The following ARL10 variants were observed in gnomAD, a reference collection of about 807,000 sequenced individuals.
ARL10 encodes the protein ADP-ribosylation factor-like protein 10.
ARL10 carries 23 observed loss-of-function variants against 26.1 expected under a neutral mutation model. That is an observed-to-expected ratio of 0.88 (90% CI 0.63 to 1.25). The LOEUF (loss-of-function observed/expected upper bound fraction) is 1.25. Among genes scored for constraint, ARL10 ranks in the 50% most tolerant of loss-of-function variants. The pLI, the probability that ARL10 is intolerant of heterozygous loss-of-function variation, is 0.00. For synonymous variants in ARL10, 138 were observed against 149.1 expected, an observed-to-expected ratio of 0.93 and a Z score of 0.54; for missense variants, 300 against 323.6, an observed-to-expected ratio of 0.93 and a Z score of 0.56.
At chr5:176,401,680 C>T (rs971090616) in intron 1 of ARL10, 34 of 454,672 alleles carry the variant, frequency 7.5e-5, no homozygotes, top group South Asian at 3.3e-4. Context: ...CTCACTCGCT[C>T]GCCTTGTGTT....
chr5:176,388,796 T>A, downstream of ARL10: 7 of 1,606,304 alleles, frequency 4.4e-6, no homozygotes, highest in Non-Finnish European at 5.9e-6. Flanking sequence ...AGTCCCGATT[T>A]TCTCCTGCTG....
At chr5:176,408,063 C>A in the ARL10 span, among the ~76,000 whole-genome samples, 2 of 152,072 alleles carry the variant, frequency 1.3e-5, no homozygotes, top group African/African-American at 4.8e-5. Flanking sequence ...TTTAGCCCCA[C>A]CAGGCATCTG....
chr5:176,397,884 C>CCA, intron 1 of ARL10: 1 of 1,554,760 alleles, frequency 6.4e-7, no homozygotes, highest in Non-Finnish European at 8.9e-7. Context: ...ACACTCCACC[C>CCA]CACACACAGC....
At chr5:176,404,370 C>T (rs1038974095), downstream of ARL10, among the ~76,000 whole-genome samples, 1 of 152,226 alleles carries the variant, frequency 6.6e-6, no homozygotes, top group Non-Finnish European at 1.5e-5. Flanking sequence ...TTGTGAGAAG[C>T]GTCCGGGGCT....
downstream of ARL10, chr5:176,386,194 T>A (rs1037277227): frequency 3.8e-5 from 6 of 155,890 alleles, no homozygotes; most frequent in African/African-American, 1.2e-4. Flanking sequence ...TTAAAATTTT[T>A]AAAAATGTTC....
downstream of ARL10, chr5:176,389,192 G>T: frequency 8.9e-7 from 1 of 1,126,124 alleles, no homozygotes; most frequent in African/African-American, 1.6e-5. Flanking sequence ...TAACTAGGAA[G>T]ACCTCGACTC....
rs776980486 is a variant in ARL10 at position 176,381,502 on chromosome 5, C to T, written c.*9607C>T. ...ACCAGGTAGTGCTCAGGACCAAAAGCGATGGTTCAGAATGTGTGCAGGCTA... is the reference window on the plus strand; with the variant it reads ...ACCAGGTAGTGCTCAGGACCAAAAGTGATGGTTCAGAATGTGTGCAGGCTA... On this transcript the variant is annotated 3_prime_UTR_variant, in exon 4 of 4. Transcript: ENST00000310389. The T allele has an allele frequency of 2.2e-4, 33 of 152,266 alleles. No individual in the cohort carries two copies. Among genetic ancestry groups the T allele is most frequent in the Non-Finnish European group, 4.0e-4 (27 of 68,030 alleles). The allele number at this position is 152,266 out of a possible 1,614,324, so 9.4% of individuals were successfully genotyped here. A position where few individuals can be genotyped will look rare whatever the true frequency, so the allele number is the denominator to read the frequency against.
At chr5:176,389,690 A>G, downstream of ARL10, 1 of 536,758 alleles carries the variant, frequency 1.9e-6, no homozygotes, top group Non-Finnish European at 3.2e-6. Flanking sequence ...TGAATGTTAC[A>G]TACTTCTATT....
chr5:176,386,597 C>T (rs970541999), downstream of ARL10: 1 of 595,856 alleles, frequency 1.7e-6, no homozygotes, highest in Non-Finnish European at 3.1e-6. Flanking sequence ...TTCTCCCAGG[C>T]ACCTGGGTAC....
At position 176,371,760 on chromosome 5, in the gene ARL10, G is replaced by C; in HGVS notation, c.600G>C (p.Arg200=). 1 of 1,614,246 alleles carries C rather than the reference G, an allele frequency of 6.2e-7. No homozygotes were observed. The highest frequency in any genetic ancestry group is 8.5e-7 in the Non-Finnish European group (1 of 1,180,034). The change falls in exon 4 of 4, where the codon CGG becomes CGC. Residue 200 remains arginine (R), a synonymous_variant. Coordinates refer to ENST00000310389, the MANE Select transcript of ARL10 (RefSeq NM_173664.6). ...SEAMSMGELQ[R]ELGLQAIDNQ... is the part of the protein sequence containing the mutation. ...CCATGAGTATGGGGGAGCTGCAGCGGGAGCTGGGTCTACAGGCTATCGATA... is the reference window on the plus strand; with the variant it reads ...CCATGAGTATGGGGGAGCTGCAGCGCGAGCTGGGTCTACAGGCTATCGATA...
Position 176,366,179 on chromosome 5 carries a change from G to T in ARL10, c.184-201G>T, listed in dbSNP as rs1054452414. On this transcript the variant is annotated intron_variant, in intron 1 of 3. Coordinates refer to ENST00000310389, the MANE Select transcript of ARL10 (RefSeq NM_173664.6). The stretch of plus-strand genomic sequence containing the variant: ...CTCCGAGACCGGTGGAGGAAGCGGG[G>T]CGCGCGAGCGTTTAAGGAATTCGCC... Among the ~76,000 whole-genome samples the T allele has an allele frequency of 2.0e-5, 3 of 152,330 alleles. No individual in the cohort carries two copies. The East Asian group carries it at 5.8e-4, about 30-fold the overall frequency.
At chr5:176,391,301 A>G (rs185661255), downstream of ARL10, among the ~76,000 whole-genome samples, 1 of 152,264 alleles carries the variant, frequency 6.6e-6, no homozygotes, top group Non-Finnish European at 1.5e-5. Flanking sequence ...AAAATGTTGA[A>G]GTCCTTCTAG....
chr5:176,368,830 T>G lies in ARL10; in HGVS notation c.409T>G (p.Phe137Val). The G allele has an allele frequency of 6.2e-7, 1 of 1,613,418 alleles. No individual in the cohort carries two copies. Among genetic ancestry groups the G allele is most frequent in the Non-Finnish European group, 8.5e-7 (1 of 1,179,544 alleles). The change falls in exon 3 of 4, where the codon TTC becomes GTC. Residue 137 changes from phenylalanine (F) to valine (V), a missense_variant. By Grantham distance (50) the Phe-to-Val change is conservative. Coordinates refer to ENST00000310389, the MANE Select transcript of ARL10 (RefSeq NM_173664.6). The surrounding 1 kb of genome is among the most constrained non-coding windows in gnomAD (Gnocchi z 4.1). ...AGTTGGGGGCAGCCAGAACCTGCGC[T>G]TCTACTGGAAGGAGTTTGTGAGCGA... ...LEIGGSQNLR[F>V]YWKEFVSEVD...
chr5:176,397,882 C>T (rs571919857), intron 1 of ARL10: 2 of 1,546,230 alleles, frequency 1.3e-6, no homozygotes, highest in Admixed American at 1.7e-5. Context: ...CCACACTCCA[C>T]CCCACACACA....
chr5:176,373,092 G>C lies in ARL10; in HGVS notation c.*1197G>C. 1 of 398,616 alleles carries C rather than the reference G, an allele frequency of 2.5e-6. No individual in the cohort carries two copies. Among genetic ancestry groups the C allele is most frequent in the Non-Finnish European group, 4.4e-6 (1 of 226,052 alleles). 24.7% of individuals were successfully genotyped at this position (398,616 alleles called of 1,614,324 possible). ...GTGCAAATTCCTTCTGGGTAGATAAGAAATGACTCTGGGAGAGGATTTCCC... is the reference window on the plus strand; with the variant it reads ...GTGCAAATTCCTTCTGGGTAGATAACAAATGACTCTGGGAGAGGATTTCCC... On this transcript the variant is annotated 3_prime_UTR_variant, in exon 4 of 4. Coordinates refer to ENST00000310389, the MANE Select transcript of ARL10 (RefSeq NM_173664.6).
chr5:176,383,946 TA>T (rs1261328175), downstream of ARL10: 3 of 1,484,356 alleles, frequency 2.0e-6, no homozygotes, highest in African/African-American at 4.2e-5. Context: ...ATCAGAGAAG[TA>T]AAATATATTT....
In ARL10 at chr5:176,379,520, T is replaced by C. The variant is rs2113565477; in HGVS notation, c.*7625T>C. The C allele has an allele frequency of 6.6e-6, 1 of 152,318 alleles. No homozygotes were observed. The allele number at this position is 152,318 out of a possible 1,614,324, so 9.4% of individuals were successfully genotyped here. On this transcript the variant is annotated 3_prime_UTR_variant, in exon 4 of 4. Coordinates refer to ENST00000310389, the MANE Select transcript of ARL10 (RefSeq NM_173664.6). ...AACAAGGTGAAGGGTTCAGTATAAG[T>C]TGGAAATCCTAGAGCAACCATATCT...
At chr5:176,384,622 C>T, downstream of ARL10, 1 of 528,894 alleles carries the variant, frequency 1.9e-6, no homozygotes, top group Non-Finnish European at 3.3e-6. Flanking sequence ...CCCTGTCTCT[C>T]CAAAAACAAT....
intron 1 of ARL10, among the ~76,000 whole-genome samples, chr5:176,400,826 A>G (rs1756781263): frequency 6.6e-6 from 1 of 152,214 alleles, no homozygotes; most frequent in Non-Finnish European, 1.5e-5. Context: ...AGTGCCTGGC[A>G]GGTGCTCAGT....
Sources: allele counts gnomAD v4.1 joint callset (sites outside exome capture counted in the v4.1 genomes callset), GRCh38; gene constraint gnomAD v4.1.1; non-coding constraint Gnocchi (gnomAD v3.1); transcripts MANE v1.5; gene names NCBI Gene and HGNC (gene_info 2026-07-23, HGNC 2026-07-21).